The following GLMN variants were observed in gnomAD, a reference collection of about 807,000 sequenced individuals.
GLMN encodes glomulin.
In GLMN, 75 loss-of-function variants were observed where a neutral mutation model predicts 87.8. The observed-to-expected ratio is 0.85, with a 90% CI of 0.71 to 1.04. GLMN has a LOEUF of 1.04. Ranked by LOEUF, GLMN falls within the 50% of genes least tolerant of loss-of-function variation. The pLI is 0.00. For missense variants in GLMN, 588 were observed against 658.8 expected, an observed-to-expected ratio of 0.89 and a Z score of 1.18; for synonymous variants, 206 against 221.6, an observed-to-expected ratio of 0.93 and a Z score of 0.63.
the GLMN span, chr1:92,323,450 A>G: frequency 1.3e-6 from 2 of 1,578,354 alleles, no homozygotes; most frequent in South Asian, 1.2e-5. Context: ...TACAGTGGCC[A>G]TTCTGGAGAA....
At chr1:92,280,862 G>A (rs1647954532) in intron 7 of GLMN, among the ~76,000 whole-genome samples, 1 of 152,154 alleles carries the variant, frequency 6.6e-6, no homozygotes, top group African/African-American at 2.4e-5. Flanking sequence ...GGAAGAAAGG[G>A]TATCAGTGAC....
intron 7 of GLMN, among the ~76,000 whole-genome samples, chr1:92,275,452 G>T (rs1472612277): frequency 6.6e-6 from 1 of 152,122 alleles, no homozygotes; most frequent in Non-Finnish European, 1.5e-5. Context: ...ATAAACACTT[G>T]TATTTTTCCC....
At chr1:92,323,496 A>C in the GLMN span, 14 of 1,613,218 alleles carry the variant, frequency 8.7e-6, no homozygotes, top group Middle Eastern at 1.6e-4. Flanking sequence ...TTAAAACATC[A>C]GATATCGACA....
At chr1:92,270,261 T>C (rs1391362264) in intron 8 of GLMN, among the ~76,000 whole-genome samples, 1 of 152,182 alleles carries the variant, frequency 6.6e-6, no homozygotes, top group African/African-American at 2.4e-5. Flanking sequence ...CCCTAGCAAG[T>C]TAATATACAT....
intron 16 of GLMN, 196 bp from the exon 17 acceptor site, chr1:92,248,185 C>T (rs891627016): frequency 1.1e-5 from 6 of 524,578 alleles, no homozygotes; most frequent in African/African-American, 1.9e-5. Flanking sequence ...TGGGGCACTA[C>T]GCTTATCACT....
At chr1:92,290,340 A>T (rs985960612) in intron 4 of GLMN, 34 bp from the exon 5 acceptor site, 1 of 1,230,830 alleles carries the variant, frequency 8.1e-7, no homozygotes, top group African/African-American at 1.5e-5. Flanking sequence ...CCTGTTTAAT[A>T]CAAGTTGTAT....
intron 16 of GLMN, among the ~76,000 whole-genome samples, chr1:92,260,132 G>A (rs960699525): frequency 1.3e-5 from 2 of 152,030 alleles, no homozygotes; most frequent in African/African-American, 4.8e-5. Flanking sequence ...TTATTGACAC[G>A]ACCTATTGTC....
intron 16 of GLMN, 81 bp from the exon 17 acceptor site, chr1:92,248,070 CA>C: frequency 1.4e-6 from 1 of 739,530 alleles, no homozygotes; most frequent in Non-Finnish European, 2.5e-6. Context: ...GCTCAAAAAA[CA>C]AAAATAAATG....
chr1:92,295,546 CAT>C (rs1649947068), intron 3 of GLMN, among the ~76,000 whole-genome samples: 2 of 152,112 alleles, frequency 1.3e-5, no homozygotes, highest in Non-Finnish European at 2.9e-5. Context: ...TGTTTGATAT[CAT>C]ATGTTATCCT....
the GLMN span, among the ~76,000 whole-genome samples, chr1:92,313,286 C>A: frequency 1.3e-5 from 2 of 152,124 alleles, no homozygotes; most frequent in Non-Finnish European, 2.9e-5. Flanking sequence ...AAATGTATGT[C>A]TTAAGACTTG....
chr1:92,279,039 CACCCACACCAGGTTCTACA>C (rs1462385503), intron 7 of GLMN, among the ~76,000 whole-genome samples: 3 of 152,176 alleles, frequency 2.0e-5, no homozygotes, highest in African/African-American at 7.2e-5. Flanking sequence ...AAACATCTGT[CACCCACACCAGGTTCTACA>C]ACCTAATGAT....
chr1:92,250,232 C>T (rs1653283465), intron 16 of GLMN, among the ~76,000 whole-genome samples: 1 of 151,872 alleles, frequency 6.6e-6, no homozygotes, highest in African/African-American at 2.4e-5. Flanking sequence ...GGCTGAAATC[C>T]CCTTTATTCA....
At chr1:92,324,234 C>T in the GLMN span, 1 of 1,613,996 alleles carries the variant, frequency 6.2e-7, no homozygotes, top group Non-Finnish European at 8.5e-7. Flanking sequence ...CTTTTAGGGG[C>T]TCAGGTACAG....
chr1:92,264,200 T>A (rs1050296219), intron 14 of GLMN, among the ~76,000 whole-genome samples: 2 of 151,956 alleles, frequency 1.3e-5, no homozygotes, highest in Non-Finnish European at 2.9e-5. Flanking sequence ...GTAGTCCCAA[T>A]TACTCGGGAG....
At chr1:92,329,716 C>T in the GLMN span, among the ~76,000 whole-genome samples, 1 of 152,180 alleles carries the variant, frequency 6.6e-6, no homozygotes, top group South Asian at 2.1e-4. Flanking sequence ...TAATATTAAA[C>T]CAACTTTGCA....
the GLMN span, among the ~76,000 whole-genome samples, chr1:92,351,861 C>G: frequency 6.6e-6 from 1 of 151,956 alleles, no homozygotes; most frequent in East Asian, 1.9e-4. Context: ...AATATAAAAG[C>G]TTTGTAAATA....
At chr1:92,281,417 G>C (rs968496692) in intron 7 of GLMN, among the ~76,000 whole-genome samples, 3 of 152,052 alleles carry the variant, frequency 2.0e-5, no homozygotes, top group African/African-American at 7.2e-5. Context: ...CAAGCAAATG[G>C]TGAGAGATTT....
chr1:92,249,187 G>GA lies in GLMN; in HGVS notation c.1474-1199dup, dbSNP rs572153538. 2.6e-3 allele frequency among the ~76,000 whole-genome samples: 381 copies of GA among 147,346 alleles called. 3 individuals carry two copies. Among genetic ancestry groups the GA allele is most frequent in the South Asian group, 9.6e-3 (45 of 4,682 alleles). On this transcript the variant is annotated intron_variant, in intron 16 of 18. Coordinates refer to ENST00000370360, the MANE Select transcript of GLMN (RefSeq NM_053274.3). ...ATGATCTCATTTTCTTTTTAAAAAAGAAAAAATGTACAGACGTATTAACCC... is the reference window on the plus strand; with the variant it reads ...ATGATCTCATTTTCTTTTTAAAAAAGAAAAAAATGTACAGACGTATTAACCC...
At chr1:92,288,516 C>A (rs1367318496) in intron 6 of GLMN, among the ~76,000 whole-genome samples, 1 of 152,262 alleles carries the variant, frequency 6.6e-6, no homozygotes, top group East Asian at 1.9e-4. Flanking sequence ...CAGCCTCACA[C>A]TCCTGGATTC....
Sources: allele counts gnomAD v4.1 joint callset (sites outside exome capture counted in the v4.1 genomes callset), GRCh38; gene constraint gnomAD v4.1.1; transcripts MANE v1.5; gene names NCBI Gene and HGNC (gene_info 2026-07-23, HGNC 2026-07-21).